Variants in TCTN1 observed in about 807,000 individuals in gnomAD.
The protein encoded by TCTN1 is tectonic family member 1.
Under a neutral mutation model 65.8 loss-of-function variants are expected in TCTN1, and 58 were observed. The ratio of observed to expected loss-of-function variants is 0.88; its 90% CI spans 0.71 to 1.10. The LOEUF (loss-of-function observed/expected upper bound fraction) is 1.10. Among genes scored for constraint, TCTN1 ranks in the 50% least tolerant of loss-of-function variants. The pLI is 0.00. For synonymous variants in TCTN1, 273 were observed against 289.1 expected (o/e 0.94, Z 0.57); for missense variants, 645 against 719.4 (o/e 0.90, Z 1.18).
intron 1 of TCTN1, among the ~76,000 whole-genome samples, chr12:110,615,879 A>G (rs1001138081): frequency 6.6e-6 from 1 of 152,242 alleles, no homozygotes; most frequent in African/African-American, 2.4e-5. Context: ...CTAGGACTTA[A>G]CTGCGGTTAC....
At chr12:110,626,280 C>T (rs2065836801) in intron 2 of TCTN1, 82 bp from the exon 3 acceptor site, 1 of 1,426,270 alleles carries the variant, frequency 7.0e-7, no homozygotes, top group African/African-American at 1.4e-5. Flanking sequence ...ACAGTACAAG[C>T]ATCTGACAGT....
In TCTN1 at chr12:110,640,440, C is replaced by T. The variant is rs755328291; in HGVS notation, c.901C>T (p.Arg301Trp). 1.9e-5 allele frequency: 31 copies of T among 1,614,066 alleles called. No homozygotes were observed. The highest frequency in any genetic ancestry group is 8.3e-5 in the Admixed American group (5 of 60,000). Reference sequence around the variant, plus strand: ...GTCTCTAAATAAAACGCTCACCCGACGGGAGGACACTGATGTGCTGCAGCC... The same window carrying T: ...GTCTCTAAATAAAACGCTCACCCGATGGGAGGACACTGATGTGCTGCAGCC... ...IQSLNKTLTR[R>W]EDTDVLQPTL... Residue 301 changes from arginine (R) to tryptophan (W), a missense_variant, in exon 8 of 15, where the codon CGG becomes TGG. Coordinates refer to ENST00000397659, the MANE Select transcript of TCTN1 (RefSeq NM_001082538.3). The surrounding 1 kb of genome is among the most constrained non-coding windows in gnomAD (Gnocchi z 4.9).
chr12:110,629,476 A>G (rs2066079237), intron 4 of TCTN1: 1 of 152,502 alleles, frequency 6.6e-6, no homozygotes, highest in Non-Finnish European at 1.5e-5. Context: ...TAAGTGGCCA[A>G]CGAACCTATG....
intron 11 of TCTN1, 33 bp downstream of exon 11, chr12:110,642,422 T>G (rs531667038): frequency 1.2e-6 from 2 of 1,614,166 alleles, no homozygotes; most frequent in Admixed American, 1.7e-5. Context: ...TTTGAACTTG[T>G]GCTGATCAGA....
At chr12:110,615,465 AC>A (rs2064972733) in intron 1 of TCTN1, among the ~76,000 whole-genome samples, 1 of 152,092 alleles carries the variant, frequency 6.6e-6, no homozygotes, top group Non-Finnish European at 1.5e-5. Flanking sequence ...GATATGCAGT[AC>A]TTTTAATCTT....
chr12:110,645,150 G>C, intron 12 of TCTN1, 21 bp downstream of exon 12: 1 of 1,613,114 alleles, frequency 6.2e-7, no homozygotes, highest in Non-Finnish European at 8.5e-7. Flanking sequence ...GAAGGTACAG[G>C]TTCCATGCTA....
At chr12:110,632,306 G>A (rs2066287385) in intron 4 of TCTN1, among the ~76,000 whole-genome samples, 166 bp from the exon 5 acceptor site, 1 of 152,076 alleles carries the variant, frequency 6.6e-6, no homozygotes, top group Non-Finnish European at 1.5e-5. Context: ...TAAAAATGGC[G>A]ACACAACTAG....
Position 110,619,840 on chromosome 12 carries a change from T to A in TCTN1, c.225T>A (p.Ala75=). The change falls in exon 2 of 15, where the codon GCT becomes GCA. Residue 75 remains alanine, a synonymous_variant. Transcript: ENST00000397659. ...GPRPTPVTDV[A]VLCVCDLSPA... ...CTACCCCTCTTTTTTCTGCAGTTGC[T>A]GTTCTCTGTGTCTGTGACTTATCCC... is the stretch of plus-strand genomic sequence containing the variant. 6.2e-7 allele frequency: 1 copy of A among 1,614,190 alleles called. No individual in the cohort carries two copies. The highest frequency in any genetic ancestry group is 8.5e-7 in the Non-Finnish European group (1 of 1,180,042).
At position 110,626,345 on chromosome 12, in the gene TCTN1, A is replaced by AT. The variant is rs2135975919; in HGVS notation, c.342-10dup. On this transcript the variant is annotated splice_polypyrimidine_tract_variant and intron_variant, in intron 2 of 14. Transcript: ENST00000397659. ...TTATGTCTTGTAACTTTGTATTATT[A>AT]TTTTTTTAATTTTCAGGGGCGACAG... is the stretch of plus-strand genomic sequence containing the variant. 1 of 1,552,706 alleles carries AT rather than the reference A, an allele frequency of 6.4e-7. No homozygotes were observed. The highest frequency in any genetic ancestry group is 2.4e-5 in the East Asian group (1 of 41,260).
At chr12:110,626,791 A>T (rs2065878066) in intron 3 of TCTN1, among the ~76,000 whole-genome samples, 1 of 102,772 alleles carries the variant, frequency 9.7e-6, no homozygotes, top group Non-Finnish European at 1.8e-5. Flanking sequence ...TTTTTTTGAG[A>T]CGGAGTTTCG....
rs145970332 is a variant in TCTN1 at position 110,640,499 on chromosome 12, C to T, written c.960C>T (p.Cys320=). 6.1e-4 allele frequency: 989 copies of T among 1,614,202 alleles called. 1 individual carries two copies. Among genetic ancestry groups the T allele is most frequent in the Non-Finnish European group, 6.7e-4 (794 of 1,180,038 alleles). Residue 320 remains cysteine, a synonymous_variant, in exon 8 of 15, where the codon TGC becomes TGT. Coordinates refer to ENST00000397659, the MANE Select transcript of TCTN1 (RefSeq NM_001082538.3). The surrounding 1 kb of genome is among the most constrained non-coding windows in gnomAD (Gnocchi z 4.9). ...TLVNAGHFSL[C]VNVVLEVKYS... is the part of the protein sequence containing the mutation. ...TCAACGCTGGACACTTTAGCCTTTGCGTGAATGTTGTTCTTGAGGTAGGTG... is the reference window on the plus strand; with the variant it reads ...TCAACGCTGGACACTTTAGCCTTTGTGTGAATGTTGTTCTTGAGGTAGGTG...
intron 2 of TCTN1, among the ~76,000 whole-genome samples, chr12:110,624,090 T>C (rs2065647627): frequency 1.4e-5 from 2 of 142,040 alleles, no homozygotes; most frequent in Admixed American, 1.4e-4. Flanking sequence ...TATCTGTCTA[T>C]TTTTTTTTTT....
chr12:110,614,846 C>T (rs2064925809), intron 1 of TCTN1, among the ~76,000 whole-genome samples: 1 of 152,142 alleles, frequency 6.6e-6, no homozygotes, highest in African/African-American at 2.4e-5. Flanking sequence ...TTCTAAAAAC[C>T]CAGGATTCCT....
chr12:110,642,200 A>G (rs1359814451), intron 10 of TCTN1, 49 bp from the exon 11 acceptor site: 2 of 1,613,164 alleles, frequency 1.2e-6, no homozygotes, highest in Non-Finnish European at 1.7e-6. Context: ...CTTACCTGAG[A>G]ACCAGGCTGC....
intron 13 of TCTN1, 87 bp downstream of exon 13, chr12:110,647,423 A>C: frequency 6.5e-7 from 1 of 1,543,870 alleles, no homozygotes; most frequent in African/African-American, 1.4e-5. Context: ...TTACTTTGTG[A>C]AAAAGATTAT....
intron 2 of TCTN1, among the ~76,000 whole-genome samples, chr12:110,620,843 C>T (rs1057437577): frequency 2.1e-5 from 3 of 145,946 alleles, no homozygotes; most frequent in Non-Finnish European, 4.5e-5. Flanking sequence ...GATGGAGTCT[C>T]GCTCTGTTGC....
Position 110,647,912 on chromosome 12 carries a change from C to T in TCTN1, c.*1+19C>T, listed in dbSNP as rs1193855826. On this transcript the variant is annotated intron_variant, in intron 14 of 14. Transcript: ENST00000397659. Reference sequence around the variant, plus strand: ...GTTTGACGTAAGTGAGGAAACTACGCCCCTCCTCTGAGGTCATCCCCTTTG... The same window carrying T: ...GTTTGACGTAAGTGAGGAAACTACGTCCCTCCTCTGAGGTCATCCCCTTTG... 1 of 1,612,294 alleles carries T rather than the reference C, an allele frequency of 6.2e-7. No individual in the cohort carries two copies. The highest frequency in any genetic ancestry group is 1.1e-5 in the South Asian group (1 of 91,014).
chr12:110,633,926 C>T (rs1432323510), intron 5 of TCTN1, among the ~76,000 whole-genome samples: 2 of 152,114 alleles, frequency 1.3e-5, no homozygotes, highest in Non-Finnish European at 2.9e-5. Flanking sequence ...GGCCAATATG[C>T]AAAATAATAG....
intron 12 of TCTN1, chr12:110,646,877 A>G (rs1244821753): frequency 8.3e-6 from 3 of 359,974 alleles, no homozygotes. Context: ...CGCTATAAAC[A>G]GGTAGATGAA....
Sources: gnomAD v4.1 joint callset for allele counts (sites outside exome capture counted in the v4.1 genomes callset) on GRCh38, gnomAD v4.1.1 for gene constraint, Gnocchi (gnomAD v3.1) non-coding constraint, MANE v1.5 for transcripts, NCBI Gene and HGNC (gene_info 2026-07-23, HGNC 2026-07-21) for gene names.